The following FNBP1L variants were observed in gnomAD, a reference collection of about 807,000 sequenced individuals.
FNBP1L encodes formin binding protein 1 like.
In FNBP1L, 36 loss-of-function variants were observed where a neutral mutation model predicts 91.2. The observed-to-expected ratio is 0.39, with a 90% CI of 0.30 to 0.52. FNBP1L has a LOEUF of 0.52. Ranked by LOEUF, FNBP1L falls within the 20% of genes least tolerant of loss-of-function variation. The pLI is 0.66. For missense variants in FNBP1L, 571 were observed against 732.1 expected (o/e 0.78, Z 2.54); for synonymous variants, 242 against 237.0 (o/e 1.02, Z -0.19).
At chr1:93,485,628 AT>A (rs1669871284) in intron 1 of FNBP1L, among the ~76,000 whole-genome samples, 2 of 152,260 alleles carry the variant, frequency 1.3e-5, no homozygotes, top group South Asian at 4.1e-4. Flanking sequence ...CTCAGCACTC[AT>A]TTTTTTGTTG....
intron 1 of FNBP1L, among the ~76,000 whole-genome samples, chr1:93,497,663 A>G (rs1670312284): frequency 6.6e-6 from 1 of 152,204 alleles, no homozygotes; most frequent in African/African-American, 2.4e-5. Context: ...TCTATTGCCC[A>G]GACTGGAGTG....
At position 93,502,657 on chromosome 1, in the gene FNBP1L, A is replaced by G. The variant is rs6682265; in HGVS notation, c.140+3074A>G. On this transcript the variant is annotated intron_variant, in intron 2 of 16. Transcript: ENST00000271234. ...CCCACAACTTCATGATATGAAAAGT[A>G]GAATTTTGTATTGAGAAAGTGGGTT... 9.6e-3 allele frequency among the ~76,000 whole-genome samples: 1,466 copies of G among 152,348 alleles called. 21 individuals carry two copies. The highest frequency in any genetic ancestry group is 0.033 in the African/African-American group (1,382 of 41,582).
chr1:93,520,272 A>G (rs1485637424), intron 2 of FNBP1L, among the ~76,000 whole-genome samples: 1 of 152,216 alleles, frequency 6.6e-6, no homozygotes, highest in African/African-American at 2.4e-5. Context: ...AAGTGGCATT[A>G]ATTGATACTA....
At chr1:93,491,349 C>T (rs749091887) in intron 1 of FNBP1L, among the ~76,000 whole-genome samples, 53 of 151,894 alleles carry the variant, frequency 3.5e-4, no homozygotes, top group Non-Finnish European at 6.8e-4. Flanking sequence ...ATTGTTTGAT[C>T]ACTAATAGTG....
At chr1:93,506,682 G>A (rs920273994) in intron 2 of FNBP1L, among the ~76,000 whole-genome samples, 2 of 152,156 alleles carry the variant, frequency 1.3e-5, no homozygotes, top group Admixed American at 6.5e-5. Flanking sequence ...GGTTGAAAAT[G>A]TATAGAGGTG....
chr1:93,540,345 A>G (rs1413276396), intron 10 of FNBP1L, among the ~76,000 whole-genome samples: 1 of 152,170 alleles, frequency 6.6e-6, no homozygotes, highest in Non-Finnish European at 1.5e-5. Context: ...GTTCAAGCAT[A>G]TGGATTTTAA....
At chr1:93,544,956 G>C (rs1049127030) in intron 12 of FNBP1L, among the ~76,000 whole-genome samples, 2 of 152,104 alleles carry the variant, frequency 1.3e-5, no homozygotes, top group African/African-American at 4.8e-5. Flanking sequence ...CTCTTAGGGA[G>C]ATACAGGGTT....
intron 2 of FNBP1L, among the ~76,000 whole-genome samples, chr1:93,509,302 A>C (rs1035867219): frequency 2.6e-5 from 4 of 152,098 alleles, no homozygotes; most frequent in Admixed American, 2.0e-4. Flanking sequence ...TCATCATTCA[A>C]CCTCCACAGT....
intron 1 of FNBP1L, among the ~76,000 whole-genome samples, chr1:93,476,183 A>G (rs890167357): frequency 6.6e-6 from 1 of 152,244 alleles, no homozygotes; most frequent in Non-Finnish European, 1.5e-5. Context: ...TACAAATGAT[A>G]TGTAACTGAT....
intron 8 of FNBP1L, among the ~76,000 whole-genome samples, chr1:93,533,444 G>T: frequency 6.6e-6 from 1 of 152,132 alleles, no homozygotes; most frequent in Non-Finnish European, 1.5e-5. Context: ...AGAAATGTGG[G>T]TAGCATATGG....
intron 2 of FNBP1L, among the ~76,000 whole-genome samples, chr1:93,516,969 G>A (rs538524234): frequency 6.6e-6 from 1 of 151,386 alleles, no homozygotes; most frequent in South Asian, 2.1e-4. Flanking sequence ...ATAATAGACT[G>A]TTTCTGTCTT....
chr1:93,512,003 C>T (rs1200974770), intron 2 of FNBP1L, among the ~76,000 whole-genome samples: 1 of 147,878 alleles, frequency 6.8e-6, no homozygotes, highest in Admixed American at 6.7e-5. Context: ...CAAGACCCAT[C>T]AGTGTGCTGT....
At position 93,553,222 on chromosome 1, in the gene FNBP1L, C is replaced by T. The variant is rs1316676637; in HGVS notation, c.*806C>T. 6.6e-6 allele frequency: 1 copy of T among 152,654 alleles called. No homozygotes were observed. The highest frequency in any genetic ancestry group is 2.4e-5 in the African/African-American group (1 of 41,452). 9.5% of individuals were successfully genotyped at this position (152,654 alleles called of 1,614,324 possible). On this transcript the variant is annotated 3_prime_UTR_variant, in exon 17 of 17. Transcript: ENST00000271234. ...CACTGAAATCCTGGCATAATAAACA[C>T]AGAAGATATTCACCACCTCAAGACA...
chr1:93,472,584 G>A (rs1187721647), intron 1 of FNBP1L, among the ~76,000 whole-genome samples: 1 of 151,818 alleles, frequency 6.6e-6, no homozygotes, highest in Non-Finnish European at 1.5e-5. Context: ...AGGCTGAGGT[G>A]GGTGGATCAC....
At chr1:93,539,813 C>A (rs969917619) in intron 10 of FNBP1L, among the ~76,000 whole-genome samples, 1 of 151,990 alleles carries the variant, frequency 6.6e-6, no homozygotes, top group Non-Finnish European at 1.5e-5. Context: ...GAATGTTAAG[C>A]TTAATTTGGA....
intron 1 of FNBP1L, among the ~76,000 whole-genome samples, chr1:93,484,005 C>T (rs1355630518): frequency 6.6e-6 from 1 of 152,162 alleles, no homozygotes; most frequent in Non-Finnish European, 1.5e-5. Flanking sequence ...CTTGGCTCAC[C>T]ACAACTTCTG....
intron 1 of FNBP1L, among the ~76,000 whole-genome samples, chr1:93,472,880 G>GT (rs1319410986): frequency 7.2e-6 from 1 of 139,124 alleles, no homozygotes; most frequent in African/African-American, 2.7e-5. Flanking sequence ...CCATAAAGCT[G>GT]TTAAGAATAT....
chr1:93,534,898 A>G lies in FNBP1L; in HGVS notation c.980A>G (p.Lys327Arg). ...KAKGKLWLFG[K>R]KPKPQSPPLT... ...AAGGGCAAATTGTGGCTCTTTGGAA[A>G]GAAGCCAAAGGTAAAAGTCATAAAA... The change falls in exon 9 of 17, where the codon AAG becomes AGG. Residue 327 changes from lysine (K) to arginine (R), a missense_variant. By Grantham distance (26) the Lys-to-Arg change is conservative (BLOSUM62 2). This residue lies in a region of FNBP1L where 150 missense variants were observed against 155.9 expected (regional missense o/e 0.96). Coordinates refer to ENST00000271234, the MANE Select transcript of FNBP1L (RefSeq NM_001164473.3). The G allele has an allele frequency of 6.4e-7, 1 of 1,565,894 alleles. No homozygotes were observed. The highest frequency in any genetic ancestry group is 8.7e-7 in the Non-Finnish European group (1 of 1,154,336).
At chr1:93,451,841 AG>A (rs1184192027) in intron 1 of FNBP1L, among the ~76,000 whole-genome samples, 1 of 152,040 alleles carries the variant, frequency 6.6e-6, no homozygotes, top group African/African-American at 2.4e-5. Flanking sequence ...TAGTAGAAAC[AG>A]GTTTTCACCA....
Sources: gnomAD v4.1 joint callset for allele counts (sites outside exome capture counted in the v4.1 genomes callset) on GRCh38, gnomAD v4.1.1 for gene constraint, gnomAD v4.1.1 regional missense constraint, MANE v1.5 for transcripts, NCBI Gene and HGNC (gene_info 2026-07-23, HGNC 2026-07-21) for gene names.